The following WDR47 variants were observed in gnomAD, a reference collection of about 807,000 sequenced individuals.
WDR47 encodes the protein WD repeat-containing protein 47.
A neutral mutation model predicts 97.2 loss-of-function variants in WDR47; 32 were observed. The ratio of observed to expected loss-of-function variants is 0.33; its 90% CI spans 0.25 to 0.44. The LOEUF (loss-of-function observed/expected upper bound fraction) is 0.44, where lower values mean the gene tolerates loss of function less well. Among genes scored for constraint, WDR47 ranks in the 20% least tolerant of loss-of-function variants. The pLI, the probability that WDR47 is intolerant of heterozygous loss-of-function variation, is 1.00. For synonymous variants in WDR47, 375 were observed against 373.5 expected (o/e 1.00, Z -0.05); for missense variants, 782 against 1,102.3 (o/e 0.71, Z 4.11).
At chr1:109,040,684 G>C (rs1220791989) in intron 1 of WDR47, among the ~76,000 whole-genome samples, 1 of 151,978 alleles carries the variant, frequency 6.6e-6, no homozygotes, top group Admixed American at 6.6e-5. Flanking sequence ...ACCTAAAGTA[G>C]AATTATTCAT....
At chr1:109,012,583 A>AAAG (rs1661122471) in intron 4 of WDR47, among the ~76,000 whole-genome samples, 2 of 151,114 alleles carry the variant, frequency 1.3e-5, no homozygotes, top group Non-Finnish European at 1.5e-5. Flanking sequence ...AAAAAAAAAA[A>AAAG]AAAAAAACAG....
intron 13 of WDR47, among the ~76,000 whole-genome samples, chr1:108,976,581 T>C (rs1385901034): frequency 6.6e-6 from 1 of 152,176 alleles, no homozygotes; most frequent in African/African-American, 2.4e-5. Flanking sequence ...GCTGCCTTGA[T>C]GAAACTTAAA....
intron 1 of WDR47, among the ~76,000 whole-genome samples, chr1:109,037,312 A>G (rs1355525516): frequency 1.4e-5 from 2 of 142,894 alleles, no homozygotes; most frequent in Non-Finnish European, 3.1e-5. Context: ...CTGGGCAACA[A>G]GAGCAAAACT....
chr1:109,034,189 G>A (rs192019659), intron 1 of WDR47, among the ~76,000 whole-genome samples: 1 of 152,340 alleles, frequency 6.6e-6, no homozygotes, highest in East Asian at 1.9e-4. Flanking sequence ...TTGGGAGGCT[G>A]AGGCAGTAGA....
rs767018424 is a variant in WDR47, at chr1:108,995,881, T to C, written c.1434-44A>G. The C allele has an allele frequency of 2.0e-5, 32 of 1,578,006 alleles. No homozygotes were observed. In the Admixed American group the frequency reaches 4.7e-4, roughly 23 times the overall value. On this transcript the variant is annotated intron_variant, in intron 7 of 14. Transcript: ENST00000369962. Reference sequence around the variant, plus strand: ...TAATCATTTTAAAATAAAAACTTAATTGCATTCCTAATATATACAAGGTTA... The same window carrying C: ...TAATCATTTTAAAATAAAAACTTAACTGCATTCCTAATATATACAAGGTTA...
intron 7 of WDR47, among the ~76,000 whole-genome samples, chr1:108,997,164 G>A (rs1173989331): frequency 3.3e-5 from 5 of 151,342 alleles, no homozygotes; most frequent in South Asian, 2.1e-4. Flanking sequence ...GATGGCTCAC[G>A]CCTATAATCC....
intron 1 of WDR47, among the ~76,000 whole-genome samples, chr1:109,025,605 G>A (rs538070521): frequency 4.9e-4 from 74 of 151,676 alleles, no homozygotes; most frequent in African/African-American, 1.7e-3. Context: ...GTGGTGGCAC[G>A]CACCTGTAAT....
intron 13 of WDR47, among the ~76,000 whole-genome samples, chr1:108,976,138 T>G (rs1657871685): frequency 6.6e-6 from 1 of 152,168 alleles, no homozygotes; most frequent in South Asian, 2.1e-4. Context: ...AGCAGTACTT[T>G]GAGTAATCTA....
chr1:108,990,177 C>T (rs769975122), intron 9 of WDR47, among the ~76,000 whole-genome samples: 6 of 151,968 alleles, frequency 3.9e-5, no homozygotes, highest in Non-Finnish European at 7.4e-5. Context: ...GCCTGGGTGA[C>T]GTAGTCACAC....
At chr1:108,997,400 G>A (rs1659832944) in intron 7 of WDR47, among the ~76,000 whole-genome samples, 1 of 150,812 alleles carries the variant, frequency 6.6e-6, no homozygotes, top group African/African-American at 2.4e-5. Context: ...CCGTGATCCT[G>A]CCTGGGCAAC....
intron 8 of WDR47, chr1:108,992,868 A>C (rs966810537): frequency 7.0e-6 from 8 of 1,136,678 alleles, no homozygotes; most frequent in Non-Finnish European, 8.7e-6. Flanking sequence ...AATTAAAAGG[A>C]AAAAAAAAAG....
intron 9 of WDR47, among the ~76,000 whole-genome samples, chr1:108,988,605 C>A (rs1198869790): frequency 6.6e-6 from 1 of 151,922 alleles, no homozygotes; most frequent in Non-Finnish European, 1.5e-5. Flanking sequence ...TCACTTGAGC[C>A]TGGGAGGTCA....
intron 13 of WDR47, among the ~76,000 whole-genome samples, chr1:108,977,906 C>T (rs1406418269): frequency 6.6e-6 from 1 of 151,460 alleles, no homozygotes; most frequent in Non-Finnish European, 1.5e-5. Context: ...ATCACTTGAA[C>T]CTGGGAGACG....
chr1:108,995,590 C>T lies in WDR47; in HGVS notation c.1681G>A (p.Gly561Arg). 1 of 1,613,996 alleles carries T rather than the reference C, an allele frequency of 6.2e-7. No individual in the cohort carries two copies. Among genetic ancestry groups the T allele is most frequent in the Non-Finnish European group, 8.5e-7 (1 of 1,179,926 alleles). ...HIPFLEESPCGSQISSEHSVI... is the reference protein window; with the variant it reads ...HIPFLEESPCRSQISSEHSVI... The stretch of plus-strand genomic sequence containing the variant: ...AAGTCAAGCACTTACATTTGGCTTC[C>T]ACAAGGTGATTCCTCCAGAAAAGGT... The change falls in exon 8 of 15, where the codon GGA (glycine) becomes AGA (arginine). Residue 561 changes from glycine to arginine, a missense_variant. Around this residue, in one of 3 missense-constraint regions of WDR47, gnomAD observed 126 missense variants for 121.3 expected, o/e 1.04. Transcript: ENST00000369962.
chr1:109,010,034 GA>G (rs541682460), intron 5 of WDR47, among the ~76,000 whole-genome samples: 1 of 151,494 alleles, frequency 6.6e-6, no homozygotes, highest in South Asian at 2.1e-4. Flanking sequence ...CATACTCATA[GA>G]AAAAAAGACT....
chr1:109,011,268 A>C lies in WDR47; in HGVS notation c.778T>G (p.Phe260Val). ...TGAATATTAAGCATTTTCTGTTCAA[A>C]AGCACAAGAGAAGACAGAAGATGGA... The part of the protein sequence containing the change: ...NLPSSVFSCA[F>V]EQKMLNIHVD... Residue 260 changes from phenylalanine to valine, a missense_variant, in exon 5 of 15, where the codon TTT becomes GTT. Phe to Val is a conservative substitution (Grantham distance 50). Transcript: ENST00000369962. 2.5e-6 allele frequency: 4 copies of C among 1,614,204 alleles called. No homozygotes were observed. Among genetic ancestry groups the C allele is most frequent in the Non-Finnish European group, 3.4e-6 (4 of 1,180,048 alleles).
At chr1:109,034,889 G>A (rs941566448) in intron 1 of WDR47, among the ~76,000 whole-genome samples, 4 of 152,068 alleles carry the variant, frequency 2.6e-5, no homozygotes, top group African/African-American at 7.2e-5. Context: ...AATATTTGTT[G>A]AATGAATGAA....
At chr1:109,009,810 C>CA (rs1476731871) in intron 5 of WDR47, among the ~76,000 whole-genome samples, 3 of 151,926 alleles carry the variant, frequency 2.0e-5, no homozygotes, top group Non-Finnish European at 2.9e-5. Context: ...CCAGCCTGGC[C>CA]AACGTGGTAA....
Position 109,021,887 on chromosome 1 carries a change from G to A in WDR47, c.158+1468C>T, listed in dbSNP as rs191822618. Among the ~76,000 whole-genome samples, 473 of 151,482 alleles carry A rather than the reference G, an allele frequency of 3.1e-3. 2 individuals carry two copies. The highest frequency in any genetic ancestry group is 3.7e-3 in the Non-Finnish European group (251 of 67,888). ...TTTATTTATTTAGTCTTGCTCTGTC[G>A]CCCAGGCTGGAGTACAGTGGCACCA... is the stretch of plus-strand genomic sequence containing the variant. On this transcript the variant is annotated intron_variant, in intron 2 of 14. Coordinates refer to ENST00000369962, the MANE Select transcript of WDR47 (RefSeq NM_001142551.2).
Sources: allele counts gnomAD v4.1 joint callset (sites outside exome capture counted in the v4.1 genomes callset), GRCh38; gene constraint gnomAD v4.1.1; regional missense constraint gnomAD v4.1.1; transcripts MANE v1.5; gene names NCBI Gene and HGNC (gene_info 2026-07-23, HGNC 2026-07-21).